The following AFF1 variants were observed in gnomAD, a reference collection of about 807,000 sequenced individuals.
AFF1 encodes the protein AF4/FMR2 family member 1.
A neutral mutation model predicts 121.7 loss-of-function variants in AFF1; 48 were observed. The observed-to-expected ratio is 0.39, with a 90% CI of 0.31 to 0.50. The LOEUF (loss-of-function observed/expected upper bound fraction) is 0.50, where lower values mean the gene tolerates loss of function less well. AFF1 is among the 20% of genes least tolerant of loss of function. The pLI is 0.76. For synonymous variants in AFF1, 613 were observed against 563.0 expected, an observed-to-expected ratio of 1.09 and a Z score of -1.26; for missense variants, 1,523 against 1,511.7, an observed-to-expected ratio of 1.01 and a Z score of -0.12.
At chr4:87,060,856 A>AAAAAAC (rs1720700928) in intron 4 of AFF1, among the ~76,000 whole-genome samples, 1 of 47,446 alleles carries the variant, frequency 2.1e-5, no homozygotes, top group Non-Finnish European at 3.9e-5. Context: ...AAAAAAAAAA[A>AAAAAAC]AAAAAAAAAA....
chr4:87,078,821 A>G (rs185345581), intron 4 of AFF1, among the ~76,000 whole-genome samples: 118 of 152,218 alleles, frequency 7.8e-4, no homozygotes, highest in African/African-American at 2.7e-3. Context: ...TAGATAACCT[A>G]TTGGGATTTT....
chr4:86,959,625 G>C (rs13118599), intron 2 of AFF1, among the ~76,000 whole-genome samples: 1 of 151,998 alleles, frequency 6.6e-6, no homozygotes, highest in Non-Finnish European at 1.5e-5. Context: ...TTGCTCTGCA[G>C]AAAATTGCAG....
rs192079220 is a variant in AFF1, at chr4:87,030,981, C to T, written c.39-15185C>T. Among the ~76,000 whole-genome samples the T allele has an allele frequency of 2.2e-3, 330 of 152,220 alleles. 6 individuals carry two copies. The highest frequency in any genetic ancestry group is 0.02 in the Admixed American group (309 of 15,290). ...CCACATCCACACTCGGTTCATTTCC[C>T]GAAAACTGACAGTTTTCCACGTGCA... is the stretch of plus-strand genomic sequence containing the variant. On this transcript the variant is annotated intron_variant, in intron 2 of 20. Transcript: ENST00000395146.
At chr4:87,078,895 A>G (rs1429157745) in intron 4 of AFF1, among the ~76,000 whole-genome samples, 4 of 152,154 alleles carry the variant, frequency 2.6e-5, no homozygotes, top group African/African-American at 4.8e-5. Context: ...GTTATTCCAT[A>G]TATCAGTGCC....
chr4:87,030,668 C>G (rs763276500), intron 2 of AFF1, among the ~76,000 whole-genome samples: 1 of 151,248 alleles, frequency 6.6e-6, no homozygotes, highest in East Asian at 1.9e-4. Context: ...TTTTTTCTTC[C>G]CCGTTCCATT....
chr4:86,955,162 TTG>T (rs887288142), intron 2 of AFF1, among the ~76,000 whole-genome samples: 23 of 152,220 alleles, frequency 1.5e-4, no homozygotes, highest in African/African-American at 5.3e-4. Flanking sequence ...CTTGCAAGCT[TTG>T]TCTTTAAAAT....
chr4:86,945,328 T>G (rs994806151), intron 1 of AFF1, among the ~76,000 whole-genome samples: 1 of 69,130 alleles, frequency 1.4e-5, no homozygotes, highest in African/African-American at 3.1e-5. Context: ...CCTTTTTTTT[T>G]TTTTTTTTTT....
intron 2 of AFF1, among the ~76,000 whole-genome samples, chr4:86,955,681 T>C (rs191552325): frequency 2.2e-3 from 338 of 152,312 alleles, no homozygotes; most frequent in African/African-American, 7.3e-3. Flanking sequence ...AAGAATGAAG[T>C]AAATGTCATT....
chr4:87,090,406 A>G (rs1216010206), intron 6 of AFF1, among the ~76,000 whole-genome samples: 1 of 152,210 alleles, frequency 6.6e-6, no homozygotes, highest in Non-Finnish European at 1.5e-5. Context: ...AGATATATGC[A>G]CATACATCTT....
intron 2 of AFF1, among the ~76,000 whole-genome samples, chr4:87,029,590 G>T (rs1236866395): frequency 2.0e-5 from 3 of 152,174 alleles, no homozygotes; most frequent in Non-Finnish European, 4.4e-5. Context: ...GCACAGGGAA[G>T]TTGGATGGAC....
At chr4:87,051,601 C>T (rs1731265700) in intron 4 of AFF1, among the ~76,000 whole-genome samples, 2 of 152,090 alleles carry the variant, frequency 1.3e-5, no homozygotes, top group Non-Finnish European at 2.9e-5. Flanking sequence ...GTTGGAACTA[C>T]AGGCATGTGC....
intron 2 of AFF1, among the ~76,000 whole-genome samples, chr4:86,970,077 G>A (rs531634567): frequency 2.6e-5 from 4 of 151,752 alleles, no homozygotes; most frequent in East Asian, 1.9e-4. Flanking sequence ...ATCTTTTGGG[G>A]GAATATAATT....
intron 2 of AFF1, among the ~76,000 whole-genome samples, chr4:86,969,545 A>G (rs943846876): frequency 6.8e-6 from 1 of 146,132 alleles, no homozygotes; most frequent in African/African-American, 2.5e-5. Flanking sequence ...CTATGTTATG[A>G]TGTACCTACA....
chr4:86,995,263 C>G (rs1725028424), intron 2 of AFF1, among the ~76,000 whole-genome samples: 1 of 124,358 alleles, frequency 8.0e-6, no homozygotes, highest in African/African-American at 3.1e-5. Context: ...GAAAAATCTA[C>G]CCCCTTCCCC....
intron 2 of AFF1, among the ~76,000 whole-genome samples, chr4:87,028,629 A>G (rs1288237583): frequency 6.6e-6 from 1 of 152,220 alleles, no homozygotes; most frequent in Non-Finnish European, 1.5e-5. Flanking sequence ...GGATTAAGGT[A>G]CGTTTTTCTT....
chr4:86,963,964 T>TG (rs1491342320), intron 2 of AFF1, among the ~76,000 whole-genome samples: 1 of 67,746 alleles, frequency 1.5e-5, no homozygotes, highest in Non-Finnish European at 2.6e-5. Flanking sequence ...ACTAGACTGG[T>TG]TTTTTTTTTT....
chr4:87,034,223 C>T (rs1729343253), intron 2 of AFF1, among the ~76,000 whole-genome samples: 1 of 152,130 alleles, frequency 6.6e-6, no homozygotes, highest in African/African-American at 2.4e-5. Flanking sequence ...TTGACCTGCT[C>T]CAGGCATGAA....
intron 12 of AFF1, among the ~76,000 whole-genome samples, chr4:87,117,662 G>A (rs1355227784): frequency 1.3e-5 from 2 of 152,158 alleles, no homozygotes; most frequent in Non-Finnish European, 2.9e-5. Context: ...CAGAATTCCT[G>A]GCCTGAAATA....
chr4:87,121,328 C>T (rs1454853707), intron 12 of AFF1, among the ~76,000 whole-genome samples: 1 of 152,142 alleles, frequency 6.6e-6, no homozygotes, highest in African/African-American at 2.4e-5. Flanking sequence ...TCCTGTTTTA[C>T]GGCAGGTCTT....
Sources: allele counts gnomAD v4.1 joint callset (sites outside exome capture counted in the v4.1 genomes callset), GRCh38; gene constraint gnomAD v4.1.1; transcripts MANE v1.5; gene names NCBI Gene and HGNC (gene_info 2026-07-23, HGNC 2026-07-21).